The following QTMAN variants were observed in gnomAD, a reference collection of about 807,000 sequenced individuals.
QTMAN encodes queuosine-tRNA mannosyltransferase.
At chr2:144,132,249 T>C in the QTMAN span, among the ~76,000 whole-genome samples, 1 of 152,006 alleles carries the variant, frequency 6.6e-6, no homozygotes, top group Non-Finnish European at 1.5e-5. Flanking sequence ...GGAAGTAAAT[T>C]TCATTACACC....
chr2:144,141,323 A>T, the QTMAN span, among the ~76,000 whole-genome samples: 14 of 151,554 alleles, frequency 9.2e-5, no homozygotes, highest in African/African-American at 3.4e-4. Flanking sequence ...CAAGGGTAAT[A>T]AAAAAAATGT....
the QTMAN span, among the ~76,000 whole-genome samples, chr2:144,016,166 T>C: frequency 6.6e-6 from 1 of 152,212 alleles, no homozygotes; most frequent in South Asian, 2.1e-4. Flanking sequence ...ATCTGCACAA[T>C]GAAGCTTTCA....
At chr2:144,141,038 T>C in the QTMAN span, among the ~76,000 whole-genome samples, 3 of 152,148 alleles carry the variant, frequency 2.0e-5, no homozygotes, top group South Asian at 6.2e-4. Flanking sequence ...ACCTCTTGCA[T>C]AGCATGTATG....
the QTMAN span, among the ~76,000 whole-genome samples, chr2:144,171,823 A>G: frequency 1.3e-5 from 2 of 152,144 alleles, no homozygotes; most frequent in Non-Finnish European, 2.9e-5. Context: ...TTAGACTAGA[A>G]TAATAACCAG....
At chr2:144,133,443 A>ATTATATAT in the QTMAN span, among the ~76,000 whole-genome samples, 1 of 62,890 alleles carries the variant, frequency 1.6e-5, no homozygotes, top group East Asian at 5.6e-4. Context: ...ATAATATATA[A>ATTATATAT]TATATAATAT....
At chr2:144,099,956 T>C in the QTMAN span, among the ~76,000 whole-genome samples, 3 of 152,198 alleles carry the variant, frequency 2.0e-5, no homozygotes, top group African/African-American at 7.2e-5. Flanking sequence ...ATTAGTCACT[T>C]TACCCTTCAG....
the QTMAN span, among the ~76,000 whole-genome samples, chr2:144,070,374 A>G: frequency 6.6e-6 from 1 of 152,138 alleles, no homozygotes; most frequent in African/African-American, 2.4e-5. Flanking sequence ...TAGTACCAAC[A>G]TATTCAATTA....
At chr2:143,963,996 T>C in the QTMAN span, 2 of 152,152 alleles carry the variant, frequency 1.3e-5, no homozygotes, top group Non-Finnish European at 2.9e-5. Flanking sequence ...ATGGAGCTAA[T>C]ATGCGTCATT....
At chr2:144,212,200 C>T in the QTMAN span, among the ~76,000 whole-genome samples, 5 of 152,178 alleles carry the variant, frequency 3.3e-5, no homozygotes, top group Non-Finnish European at 5.9e-5. Flanking sequence ...CGGTGGCTCA[C>T]GCCTGTAATC....
At chr2:144,147,263 T>TAA in the QTMAN span, among the ~76,000 whole-genome samples, 3 of 145,406 alleles carry the variant, frequency 2.1e-5, no homozygotes, top group African/African-American at 7.5e-5. Context: ...TCTTTAAGGT[T>TAA]AAAAAAAAAA....
At chr2:144,252,624 G>A in the QTMAN span, among the ~76,000 whole-genome samples, 1 of 152,138 alleles carries the variant, frequency 6.6e-6, no homozygotes, top group Non-Finnish European at 1.5e-5. Flanking sequence ...AAAGAACATT[G>A]CTCACCACTG....
the QTMAN span, among the ~76,000 whole-genome samples, chr2:143,973,721 GGAGCTTGCAGT>G: frequency 6.6e-5 from 10 of 151,456 alleles, no homozygotes; most frequent in Non-Finnish European, 1.3e-4. Flanking sequence ...CCCGGGAGGC[GGAGCTTGCAGT>G]GAGTCGAGAT....
the QTMAN span, among the ~76,000 whole-genome samples, chr2:144,227,862 CATT>C: frequency 6.6e-6 from 1 of 152,184 alleles, no homozygotes; most frequent in Non-Finnish European, 1.5e-5. Context: ...CTAAAACACT[CATT>C]ATCTCACTCT....
the QTMAN span, among the ~76,000 whole-genome samples, chr2:144,062,542 GCTATTA>G: frequency 2.0e-5 from 3 of 152,142 alleles, no homozygotes; most frequent in Admixed American, 1.3e-4. Flanking sequence ...AATGTTAGCA[GCTATTA>G]CGCTGTTTCT....
chr2:144,085,288 G>A, the QTMAN span, among the ~76,000 whole-genome samples: 1 of 152,186 alleles, frequency 6.6e-6, no homozygotes, highest in African/African-American at 2.4e-5. Flanking sequence ...TCTGTCCTAG[G>A]ACATGCACTA....
chr2:144,127,255 A>G, the QTMAN span, among the ~76,000 whole-genome samples: 1 of 152,020 alleles, frequency 6.6e-6, no homozygotes, highest in African/African-American at 2.4e-5. Context: ...CTAATGCTGA[A>G]TAACAGCCAC....
At chr2:144,330,328 C>A in the QTMAN span, among the ~76,000 whole-genome samples, 1 of 152,126 alleles carries the variant, frequency 6.6e-6, no homozygotes, top group African/African-American at 2.4e-5. Flanking sequence ...ACCATATAGC[C>A]TAGGTGTGAA....
chr2:144,275,213 T>C, the QTMAN span, among the ~76,000 whole-genome samples: 1 of 151,898 alleles, frequency 6.6e-6, no homozygotes, highest in Non-Finnish European at 1.5e-5. Flanking sequence ...TGAAACCCTG[T>C]CTCTACTAAA....
the QTMAN span, among the ~76,000 whole-genome samples, chr2:144,274,914 C>T: frequency 2.0e-5 from 3 of 152,094 alleles, no homozygotes; most frequent in East Asian, 1.9e-4. Context: ...AGCAGTACTG[C>T]GGGACTGAGC....
Sources: gnomAD v4.1 joint callset for allele counts (sites outside exome capture counted in the v4.1 genomes callset) on GRCh38, gnomAD v4.1.1 for gene constraint, MANE v1.5 for transcripts, NCBI Gene and HGNC (gene_info 2026-07-23, HGNC 2026-07-21) for gene names.